Variants in DDTL observed in about 807,000 individuals in gnomAD.
The protein encoded by DDTL is putative D-dopachrome decarboxylase-like protein.
A neutral mutation model predicts 1.1 loss-of-function variants in DDTL; 1 was observed. The ratio of observed to expected loss-of-function variants is 0.91; its 90% CI spans 0.32 to 4.31. DDTL has a LOEUF of 4.31. Among genes scored for constraint, DDTL ranks in the 30% most tolerant of loss-of-function variants. The pLI is 0.17. For synonymous variants in DDTL, 21 were observed against 16.6 expected (o/e 1.26, Z -0.64); for missense variants, 54 against 48.9 (o/e 1.10, Z -0.31).
chr22:23,969,212 C>A (rs1422533594), intron 2 of DDTL: 1 of 985,422 alleles, frequency 1.0e-6, no homozygotes, highest in African/African-American at 1.7e-5. Context: ...TACTCCCCCG[C>A]CCTCAGCCAG....
intron 2 of DDTL, 54 bp from the exon 3 acceptor site, chr22:23,971,232 C>G: frequency 6.4e-7 from 1 of 1,557,794 alleles, no homozygotes; most frequent in Non-Finnish European, 8.7e-7. Context: ...AGCAGAGCCT[C>G]CAGGCTGAGT....
chr22:23,970,883 A>G (rs2033888561), intron 2 of DDTL, among the ~76,000 whole-genome samples: 1 of 152,164 alleles, frequency 6.6e-6, no homozygotes. Context: ...GTGATGGGGC[A>G]GCTGGGAGGA....
At chr22:23,969,833 G>C in intron 2 of DDTL, 1 of 985,866 alleles carries the variant, frequency 1.0e-6, no homozygotes. Flanking sequence ...GGATGGTTTT[G>C]CTTTCAACAG....
chr22:23,971,691 C>T lies in DDTL; in HGVS notation c.*285C>T. ...ATACCACATCTTGCAAGACCCCTGC[C>T]AGGTACTCCCACTGTGGGTACTCAG... On this transcript the variant is annotated 3_prime_UTR_variant, in exon 3 of 3. Transcript: ENST00000215770. 7.0e-7 allele frequency: 1 copy of T among 1,430,944 alleles called. No individual in the cohort carries two copies. Among genetic ancestry groups the T allele is most frequent in the Non-Finnish European group, 9.7e-7 (1 of 1,032,956 alleles). The allele number at this position is 1,430,944 out of a possible 1,614,324, so 88.6% of individuals were successfully genotyped here.
Position 23,972,235 on chromosome 22 carries a change from G to A in DDTL, c.*829G>A. On this transcript the variant is annotated 3_prime_UTR_variant, in exon 3 of 3. Coordinates refer to ENST00000215770, the MANE Select transcript of DDTL (RefSeq NM_001084393.2). ...AGGGAGAGTGGATAGGGATTGTAAG[G>A]ATCAAATGGGATCATGAGTGTAAAG... 1.0e-6 allele frequency: 1 copy of A among 954,988 alleles called. No homozygotes were observed. The highest frequency in any genetic ancestry group is 1.2e-6 in the Non-Finnish European group (1 of 803,520). 59.2% of individuals were successfully genotyped at this position (954,988 alleles called of 1,614,324 possible).
intron 2 of DDTL, chr22:23,969,948 G>A: frequency 1.4e-6 from 1 of 735,994 alleles, no homozygotes. Context: ...TGAACTAACT[G>A]TGGTGTGCAT....
intron 2 of DDTL, chr22:23,969,414 A>G: frequency 1.0e-6 from 1 of 985,596 alleles, no homozygotes; most frequent in Non-Finnish European, 1.2e-6. Context: ...CAGCCCACAG[A>G]CTGACAGAGA....
intron 2 of DDTL, chr22:23,970,002 G>A (rs1043243546): frequency 1.5e-5 from 5 of 338,778 alleles, no homozygotes; most frequent in Admixed American, 6.5e-5. Flanking sequence ...CACCTGGCAG[G>A]AGGAGGGACA....
At chr22:23,969,734 G>C (rs888230275) in intron 2 of DDTL, 1 of 983,310 alleles carries the variant, frequency 1.0e-6, no homozygotes, top group African/African-American at 1.7e-5. Flanking sequence ...CAGAAGGTTT[G>C]TTTAGGCCCA....
chr22:23,969,519 T>G, intron 2 of DDTL: 1 of 985,524 alleles, frequency 1.0e-6, no homozygotes, highest in Non-Finnish European at 1.2e-6. Context: ...CACACCTGAG[T>G]GTCCCACTGC....
rs1386791190 is a variant in DDTL, at chr22:23,972,121, C to CGG, written c.*717_*718dup. ...CTTGGGACAGCCTGGTTGGGGCGGG[C>CGG]GGGAGTATGAACAGCCTGTCTTCTC... On this transcript the variant is annotated 3_prime_UTR_variant, in exon 3 of 3. Transcript: ENST00000215770. 1.2e-5 allele frequency: 12 copies of CGG among 969,002 alleles called. No individual in the cohort carries two copies. The East Asian group carries it at 1.1e-3, about 87-fold the overall frequency. The allele number at this position is 969,002 out of a possible 1,614,324, so 60.0% of individuals were successfully genotyped here.
chr22:23,969,917 G>C (rs1398514997), intron 2 of DDTL: 26 of 956,558 alleles, frequency 2.7e-5, no homozygotes, highest in Non-Finnish European at 3.2e-5. Flanking sequence ...GTGGCAGTAA[G>C]TCTGGGAGAG....
At chr22:23,969,472 G>A in intron 2 of DDTL, 2 of 986,318 alleles carry the variant, frequency 2.0e-6, no homozygotes, top group Non-Finnish European at 2.4e-6. Flanking sequence ...TTGAGTGTCT[G>A]TCCTAGGTGG....
At chr22:23,969,368 A>T in intron 2 of DDTL, 5 of 985,304 alleles carry the variant, frequency 5.1e-6, no homozygotes, top group Non-Finnish European at 6.0e-6. Flanking sequence ...CTGTGTCCTT[A>T]GGGAGTCTGC....
intron 2 of DDTL, among the ~76,000 whole-genome samples, 187 bp from the exon 3 acceptor site, chr22:23,971,099 G>T (rs1180426974): frequency 6.6e-6 from 1 of 152,232 alleles, no homozygotes; most frequent in Non-Finnish European, 1.5e-5. Flanking sequence ...ACTTCAGGAG[G>T]AGTACAGAGG....
chr22:23,971,271 A>G lies in DDTL; in HGVS notation c.285-15A>G. The G allele has an allele frequency of 6.2e-7, 1 of 1,607,962 alleles. No homozygotes were observed. The highest frequency in any genetic ancestry group is 8.5e-7 in the Non-Finnish European group (1 of 1,177,434). On this transcript the variant is annotated splice_polypyrimidine_tract_variant and intron_variant, in intron 2 of 2. Coordinates refer to ENST00000215770, the MANE Select transcript of DDTL (RefSeq NM_001084393.2). Reference sequence around the variant, plus strand: ...CCAGCCCCAGATCTGAGCAGTCTAAATCATCCCCCTCCAGGTTCCCTACGG... The same window carrying G: ...CCAGCCCCAGATCTGAGCAGTCTAAGTCATCCCCCTCCAGGTTCCCTACGG...
intron 2 of DDTL, among the ~76,000 whole-genome samples, chr22:23,970,613 A>C (rs1746799161): frequency 6.6e-6 from 1 of 151,980 alleles, no homozygotes; most frequent in Admixed American, 6.6e-5. Context: ...CTGGGTGTAT[A>C]TGTGTGTGTA....
chr22:23,970,320 T>C (rs2033877287), intron 2 of DDTL, among the ~76,000 whole-genome samples: 1 of 152,066 alleles, frequency 6.6e-6, no homozygotes, highest in Non-Finnish European at 1.5e-5. Context: ...GTGATGTGAG[T>C]GAACTGTGTA....
intron 2 of DDTL, chr22:23,969,331 C>T (rs144429943): frequency 4.4e-4 from 432 of 985,490 alleles, no homozygotes; most frequent in Non-Finnish European, 5.0e-4. Flanking sequence ...CTGTGCCCAA[C>T]CTTTGAGAAA....
Sources: gnomAD v4.1 joint callset for allele counts (sites outside exome capture counted in the v4.1 genomes callset) on GRCh38, gnomAD v4.1.1 for gene constraint, MANE v1.5 for transcripts, NCBI Gene and HGNC (gene_info 2026-07-23, HGNC 2026-07-21) for gene names.